The following SRPRB variants were observed in gnomAD, a reference collection of about 807,000 sequenced individuals.
The protein encoded by SRPRB is signal recognition particle receptor subunit beta.
In SRPRB, 20 loss-of-function variants were observed where a neutral mutation model predicts 31.9. The observed-to-expected ratio is 0.63, with a 90% CI of 0.44 to 0.91. The LOEUF (loss-of-function observed/expected upper bound fraction) is 0.91. Among genes scored for constraint, SRPRB ranks in the 40% least tolerant of loss-of-function variants. The pLI, the probability that SRPRB is intolerant of heterozygous loss-of-function variation, is 0.00. For missense variants in SRPRB, 321 were observed against 324.9 expected (o/e 0.99, Z 0.09); for synonymous variants, 146 against 132.8 (o/e 1.10, Z -0.68).
At chr3:133,801,969 C>T (rs151060476), upstream of SRPRB, among the ~76,000 whole-genome samples, 175 of 150,284 alleles carry the variant, frequency 1.2e-3, 2 homozygotes, top group African/African-American at 3.9e-3. Context: ...TTAAAGCATA[C>T]GGTTAAGTAG....
In SRPRB at chr3:133,795,260, A is replaced by C. The variant is rs202167522; in HGVS notation, c.-173-10416A>C. ...GAGGTTTGGTTTATGGTGACCCTGG[A>C]TAAGGAGCATACTTACTCTCAACTC... On this transcript the variant is annotated intron_variant, in intron 1 of 7. Coordinates refer to the SRPRB transcript ENST00000466490. 4 of 152,342 alleles carry C rather than the reference A, an allele frequency of 2.6e-5. No homozygotes were observed. The East Asian group carries it at 7.7e-4, about 29-fold the overall frequency. The allele number at this position is 152,342 out of a possible 1,614,324, so 9.4% of individuals were successfully genotyped here.
In SRPRB at chr3:133,809,213, G is replaced by A. The variant is rs577472347; in HGVS notation, c.327+1390G>A. Among the ~76,000 whole-genome samples the A allele has an allele frequency of 7.9e-5, 12 of 152,152 alleles. No individual in the cohort carries two copies. The South Asian group carries it at 1.7e-3, about 21-fold the overall frequency. The stretch of plus-strand genomic sequence containing the variant: ...TCACCATGTTGGCCAGGCTGGTCTT[G>A]AACTCCTGACCTCAAGTGATCCGCC... On this transcript the variant is annotated intron_variant, in intron 3 of 6. Transcript: ENST00000678299.
At chr3:133,802,145 C>T (rs1935071670), upstream of SRPRB, among the ~76,000 whole-genome samples, 1 of 152,160 alleles carries the variant, frequency 6.6e-6, no homozygotes, top group Non-Finnish European at 1.5e-5. Flanking sequence ...TGGCTTGTGC[C>T]TGTAATCCCA....
chr3:133,798,668 T>C (rs148013563), intron 1 of SRPRB, among the ~76,000 whole-genome samples: 216 of 152,314 alleles, frequency 1.4e-3, no homozygotes, highest in African/African-American at 4.8e-3. Context: ...GGATTTTGAA[T>C]TGGTAAATAT....
chr3:133,818,746 A>G (rs1360055966), intron 6 of SRPRB, among the ~76,000 whole-genome samples: 1 of 151,374 alleles, frequency 6.6e-6, no homozygotes, highest in Non-Finnish European at 1.5e-5. Context: ...AGAGGTCAGC[A>G]ATATCCAGTT....
intron 3 of SRPRB, among the ~76,000 whole-genome samples, chr3:133,808,302 A>G (rs1163072069): frequency 1.3e-5 from 2 of 151,318 alleles, no homozygotes; most frequent in South Asian, 2.1e-4. Flanking sequence ...ATATACAAAC[A>G]TGTCTGTATA....
chr3:133,799,330 C>G (rs1935027511), intron 1 of SRPRB, among the ~76,000 whole-genome samples: 1 of 152,148 alleles, frequency 6.6e-6, no homozygotes, highest in Non-Finnish European at 1.5e-5. Context: ...TATCTAAACA[C>G]TGGGATACTC....
At chr3:133,808,882 T>G in intron 3 of SRPRB, among the ~76,000 whole-genome samples, 1 of 120,054 alleles carries the variant, frequency 8.3e-6, no homozygotes, top group Non-Finnish European at 1.7e-5. Flanking sequence ...AGAGCGAGAC[T>G]AAGTCTCAAA....
At chr3:133,827,656 C>T (rs1935587383), downstream of SRPRB, 1 of 547,486 alleles carries the variant, frequency 1.8e-6, no homozygotes, top group South Asian at 2.3e-5. Flanking sequence ...AACATAGCAA[C>T]AAATCAGCTT....
chr3:133,806,042 C>A, intron 1 of SRPRB, 40 bp downstream of exon 1: 1 of 1,599,590 alleles, frequency 6.3e-7, no homozygotes, highest in Non-Finnish European at 8.5e-7. Context: ...TTGGGGCGGG[C>A]AGAGGTCCGG....
In SRPRB at chr3:133,821,091, G is replaced by T. The variant is rs975209629; in HGVS notation, c.*1325G>T. On this transcript the variant is annotated 3_prime_UTR_variant, in exon 7 of 7. Transcript: ENST00000678299. ...AAGGATAAAGCATGGGGCTGATGACGTCTGAGGGAGTGTGATCCTCCATGT... is the reference window on the plus strand; with the variant it reads ...AAGGATAAAGCATGGGGCTGATGACTTCTGAGGGAGTGTGATCCTCCATGT... The T allele has an allele frequency of 1.3e-5, 2 of 152,364 alleles. No homozygotes were observed. Among genetic ancestry groups the T allele is most frequent in the African/African-American group, 4.8e-5 (2 of 41,452 alleles). 9.4% of individuals were successfully genotyped at this position (152,364 alleles called of 1,614,324 possible).
rs1935188149 is a variant in SRPRB at position 133,807,729 on chromosome 3, T to C, written c.250-17T>C. On this transcript the variant is annotated splice_polypyrimidine_tract_variant and intron_variant, in intron 2 of 6. Transcript: ENST00000678299. ...CTATTAAAATGTTGAATATCACCCATCTTGTTTTTTTTACAGTTGTTAACA... is the reference window on the plus strand; with the variant it reads ...CTATTAAAATGTTGAATATCACCCACCTTGTTTTTTTTACAGTTGTTAACA... 6.3e-7 allele frequency: 1 copy of C among 1,575,106 alleles called. No individual in the cohort carries two copies. The highest frequency in any genetic ancestry group is 1.4e-5 in the African/African-American group (1 of 73,988).
At chr3:133,796,341 T>G (rs1236525061) in intron 1 of SRPRB, 1 of 152,236 alleles carries the variant, frequency 6.6e-6, no homozygotes, top group Non-Finnish European at 1.5e-5. Flanking sequence ...CCCATAAAGA[T>G]TTATGGGGAT....
intron 1 of SRPRB, among the ~76,000 whole-genome samples, chr3:133,797,714 T>C (rs1412612365): frequency 6.6e-6 from 1 of 152,206 alleles, no homozygotes; most frequent in Non-Finnish European, 1.5e-5. Flanking sequence ...ATCTAGCCAT[T>C]GTTCTGTATG....
chr3:133,808,682 G>C (rs529910118), intron 3 of SRPRB, among the ~76,000 whole-genome samples: 34 of 151,944 alleles, frequency 2.2e-4, no homozygotes, highest in Non-Finnish European at 4.6e-4. Flanking sequence ...CTTGAGGTCA[G>C]GAGTTCAAGA....
intron 1 of SRPRB, chr3:133,789,878 C>CATTTTTTTTTTTTT: frequency 1.9e-5 from 1 of 52,408 alleles, no homozygotes; most frequent in South Asian, 5.9e-4. Flanking sequence ...ATCTCGTTTG[C>CATTTTTTTTTTTTT]GTTTTTTTTT....
chr3:133,788,262 G>A (rs1245791427), intron 1 of SRPRB: 1 of 152,188 alleles, frequency 6.6e-6, no homozygotes, highest in Non-Finnish European at 1.5e-5. Flanking sequence ...CGTACATCAA[G>A]TAAATGACTA....
chr3:133,815,804 AGTT>A, intron 5 of SRPRB, 78 bp downstream of exon 5: 1 of 1,521,204 alleles, frequency 6.6e-7, no homozygotes, highest in African/African-American at 1.4e-5. Context: ...CATTATTTAC[AGTT>A]GTTATTATTG....
upstream of SRPRB, among the ~76,000 whole-genome samples, chr3:133,802,651 C>G (rs575986624): frequency 1.3e-5 from 2 of 152,324 alleles, no homozygotes; most frequent in South Asian, 2.1e-4. Flanking sequence ...TCCTGTGCCA[C>G]TGACTCTTCC....
Sources: allele counts gnomAD v4.1 joint callset (sites outside exome capture counted in the v4.1 genomes callset), GRCh38; gene constraint gnomAD v4.1.1; transcripts MANE v1.5; gene names NCBI Gene and HGNC (gene_info 2026-07-23, HGNC 2026-07-21).